The following ESRRG variants were observed in gnomAD, a reference collection of about 807,000 sequenced individuals.
ESRRG encodes estrogen-related receptor gamma.
ESRRG carries 13 observed loss-of-function variants against 44.0 expected under a neutral mutation model. That is an observed-to-expected ratio of 0.30 (90% CI 0.19 to 0.47). The LOEUF (loss-of-function observed/expected upper bound fraction) is 0.47. Among genes scored for constraint, ESRRG ranks in the 20% least tolerant of loss-of-function variants. ESRRG has a pLI of 1.00. For missense variants in ESRRG, 395 were observed against 580.6 expected (o/e 0.68, Z 3.29); for synonymous variants, 215 against 214.6 (o/e 1.00, Z -0.02).
At chr1:216,775,767 G>T (rs1458476832) in intron 2 of ESRRG, among the ~76,000 whole-genome samples, 1 of 151,268 alleles carries the variant, frequency 6.6e-6, no homozygotes, top group Non-Finnish European at 1.5e-5. Context: ...GCTTCACTAT[G>T]TTGCCCAGGC....
At chr1:216,744,061 T>C (rs544636700) in intron 2 of ESRRG, among the ~76,000 whole-genome samples, 1 of 152,166 alleles carries the variant, frequency 6.6e-6, no homozygotes, top group East Asian at 1.9e-4. Context: ...TTTATCTAAG[T>C]GATGAGCAGA....
intron 3 of ESRRG, among the ~76,000 whole-genome samples, chr1:216,580,794 A>C (rs2062622261): frequency 6.6e-6 from 1 of 152,214 alleles, no homozygotes; most frequent in Admixed American, 6.5e-5. Context: ...AACATACTTC[A>C]TATCTTAAAT....
At chr1:216,895,686 A>T (rs1014980299) in intron 2 of ESRRG, among the ~76,000 whole-genome samples, 1 of 152,192 alleles carries the variant, frequency 6.6e-6, no homozygotes, top group Non-Finnish European at 1.5e-5. Flanking sequence ...AAGCACATTC[A>T]CTAGCTATAG....
intron 1 of ESRRG, among the ~76,000 whole-genome samples, chr1:216,683,550 A>G (rs1454073588): frequency 6.6e-6 from 1 of 152,218 alleles, no homozygotes; most frequent in Non-Finnish European, 1.5e-5. Flanking sequence ...CTGACAAGAG[A>G]TAGAGCTATG....
intron 3 of ESRRG, among the ~76,000 whole-genome samples, chr1:216,620,049 A>G (rs1280809127): frequency 6.6e-6 from 1 of 152,178 alleles, no homozygotes; most frequent in Non-Finnish European, 1.5e-5. Context: ...AAATACATGT[A>G]GAGAAAAATT....
chr1:216,585,062 C>T (rs1024667451), intron 3 of ESRRG, among the ~76,000 whole-genome samples: 2 of 152,074 alleles, frequency 1.3e-5, no homozygotes, highest in African/African-American at 2.4e-5. Context: ...TCTATCAATA[C>T]GTGTTCAGCC....
intron 2 of ESRRG, among the ~76,000 whole-genome samples, chr1:216,843,040 T>C (rs970992171): frequency 2.0e-5 from 3 of 152,108 alleles, no homozygotes; most frequent in Non-Finnish European, 4.4e-5. Flanking sequence ...TAAAACTACC[T>C]TTCTACCTTG....
chr1:216,652,897 ATACT>A (rs1181722805), intron 2 of ESRRG, among the ~76,000 whole-genome samples: 2 of 152,036 alleles, frequency 1.3e-5, no homozygotes, highest in South Asian at 4.1e-4. Flanking sequence ...GGCTCCCCCT[ATACT>A]TACTTAAAAA....
chr1:216,543,944 C>T (rs1277430127), intron 5 of ESRRG, among the ~76,000 whole-genome samples: 2 of 151,938 alleles, frequency 1.3e-5, no homozygotes, highest in East Asian at 3.9e-4. Flanking sequence ...AACTTGAATT[C>T]ATATGTGTTG....
chr1:216,804,216 C>T (rs1256444669), intron 2 of ESRRG, among the ~76,000 whole-genome samples: 1 of 152,094 alleles, frequency 6.6e-6, no homozygotes, highest in Admixed American at 6.6e-5. Context: ...GTAGCAATGT[C>T]TCGTCAATAT....
Position 216,787,125 on chromosome 1 carries a change from G to A in ESRRG, c.-13-109634C>T, listed in dbSNP as rs535590004. Among the ~76,000 whole-genome samples the A allele has an allele frequency of 3.0e-4, 45 of 152,114 alleles. No homozygotes were observed. In the South Asian group the frequency reaches 5.6e-3, roughly 19 times the overall value. ...TTAAGGTGATCTGTGATCGGTGATC[G>A]TTAATGTTACTGTTGTAATTGTTTT... On this transcript the variant is annotated intron_variant, in intron 2 of 7. Transcript: ENST00000359162.
At chr1:216,840,982 G>A (rs7538834) in intron 2 of ESRRG, among the ~76,000 whole-genome samples, 5,102 of 152,168 alleles carry the variant, frequency 0.034, 299 homozygotes, top group African/African-American at 0.11. Flanking sequence ...AAAGACCTGA[G>A]GTGAACACAG....
intron 4 of ESRRG, among the ~76,000 whole-genome samples, chr1:216,565,390 A>T (rs1270810907): frequency 6.6e-6 from 1 of 152,202 alleles, no homozygotes. Flanking sequence ...TAAATGTTCT[A>T]TGTACTATTA....
At chr1:216,714,677 T>C (rs1178038140) in intron 1 of ESRRG, 2 of 380,670 alleles carry the variant, frequency 5.3e-6, no homozygotes, top group Non-Finnish European at 7.2e-6. Context: ...TTTGAGTTTT[T>C]AACCTCTTAT....
intron 6 of ESRRG, 108 bp downstream of exon 6, chr1:216,519,044 C>G: frequency 1.1e-6 from 1 of 912,528 alleles, no homozygotes. Context: ...TTTGCTGACT[C>G]ATACAAAATT....
At chr1:216,972,517 A>G (rs1224734096) in intron 1 of ESRRG, among the ~76,000 whole-genome samples, 1 of 152,210 alleles carries the variant, frequency 6.6e-6, no homozygotes, top group Non-Finnish European at 1.5e-5. Context: ...ATACTAACAT[A>G]CAGCAGTAGC....
intron 2 of ESRRG, among the ~76,000 whole-genome samples, chr1:216,847,699 T>A (rs1401714001): frequency 6.6e-6 from 1 of 152,128 alleles, no homozygotes; most frequent in Non-Finnish European, 1.5e-5. Context: ...TACTATGATA[T>A]GAATGGATAT....
chr1:216,920,407 TGTGTGTGTGTGTGC>T (rs902230061), intron 2 of ESRRG, among the ~76,000 whole-genome samples: 16 of 129,422 alleles, frequency 1.2e-4, no homozygotes, highest in South Asian at 5.6e-4. Flanking sequence ...TGTGTGTGTG[TGTGTGTGTGTGTGC>T]GCATATTTTT....
At chr1:216,887,775 TA>T (rs1401963623) in intron 2 of ESRRG, among the ~76,000 whole-genome samples, 1 of 152,198 alleles carries the variant, frequency 6.6e-6, no homozygotes, top group African/African-American at 2.4e-5. Context: ...AAGATATACC[TA>T]AATGCATTCA....
Sources: allele counts gnomAD v4.1 joint callset (sites outside exome capture counted in the v4.1 genomes callset), GRCh38; gene constraint gnomAD v4.1.1; transcripts MANE v1.5; gene names NCBI Gene and HGNC (gene_info 2026-07-23, HGNC 2026-07-21).